Variants in DAPL1 observed in about 807,000 individuals in gnomAD.
DAPL1 encodes death-associated protein-like 1.
In DAPL1, 17 loss-of-function variants were observed where a neutral mutation model predicts 12.9. The ratio of observed to expected loss-of-function variants is 1.32; its 90% CI spans 0.90 to 1.98. The LOEUF is 1.98. Among genes scored for constraint, DAPL1 ranks in the 30% most tolerant of loss-of-function variants. DAPL1 has a pLI of 0.00. For missense variants in DAPL1, 157 were observed against 125.7 expected (o/e 1.25, Z -1.19); for synonymous variants, 51 against 42.0 (o/e 1.21, Z -0.82).
chr2:158,796,843 G>A (rs2059137050), intron 1 of DAPL1, among the ~76,000 whole-genome samples: 1 of 152,144 alleles, frequency 6.6e-6, no homozygotes, highest in Non-Finnish European at 1.5e-5. Flanking sequence ...CATCAAGCAT[G>A]TCACAATGCC....
chr2:158,806,838 G>GA (rs542863747), intron 2 of DAPL1, among the ~76,000 whole-genome samples: 15 of 123,226 alleles, frequency 1.2e-4, no homozygotes, highest in Admixed American at 1.9e-4. Context: ...CTGTGTCTCA[G>GA]AAAAAAAAAA....
intron 3 of DAPL1, among the ~76,000 whole-genome samples, chr2:158,811,042 T>C (rs2059227673): frequency 6.6e-6 from 1 of 152,228 alleles, no homozygotes; most frequent in Non-Finnish European, 1.5e-5. Flanking sequence ...TTGGCAATAG[T>C]TGTGAAACTT....
At chr2:158,809,360 A>AAAAAAAAAAAAAAG (rs2059218354) in intron 3 of DAPL1, among the ~76,000 whole-genome samples, 2 of 151,180 alleles carry the variant, frequency 1.3e-5, no homozygotes, top group African/African-American at 4.9e-5. Flanking sequence ...TCCATCTCAA[A>AAAAAAAAAAAAAAG]AAAAAAAAGA....
rs746168420 is a variant in DAPL1, at chr2:158,807,122, C to T, written c.207+7C>T. The T allele has an allele frequency of 5.6e-6, 9 of 1,604,508 alleles. No individual in the cohort carries two copies. Among genetic ancestry groups the T allele is most frequent in the Non-Finnish European group, 3.4e-6 (4 of 1,173,626 alleles). Reference sequence around the variant, plus strand: ...GAATGACGCACTGGAGAAGGTGAGCCGTGGGCAAATCACATAGCGCTCCAA... The same window carrying T: ...GAATGACGCACTGGAGAAGGTGAGCTGTGGGCAAATCACATAGCGCTCCAA... On this transcript the variant is annotated splice_region_variant and intron_variant, in intron 3 of 3. Coordinates refer to ENST00000309950, the MANE Select transcript of DAPL1 (RefSeq NM_001017920.3).
chr2:158,810,591 G>A (rs2059225184), intron 3 of DAPL1, among the ~76,000 whole-genome samples: 2 of 152,146 alleles, frequency 1.3e-5, no homozygotes, highest in South Asian at 4.1e-4. Flanking sequence ...TCCCCGAAGG[G>A]CTGGAATTGT....
intron 1 of DAPL1, among the ~76,000 whole-genome samples, chr2:158,797,262 C>A (rs2059139644): frequency 6.6e-6 from 1 of 152,094 alleles, no homozygotes; most frequent in Non-Finnish European, 1.5e-5. Flanking sequence ...TAAATAACAT[C>A]TATCTAGTAA....
intron 1 of DAPL1, among the ~76,000 whole-genome samples, chr2:158,799,790 A>G (rs367696846): frequency 5.3e-4 from 81 of 152,300 alleles, no homozygotes; most frequent in African/African-American, 1.9e-3. Flanking sequence ...CTACAGCCCT[A>G]TGACAGAGAC....
At chr2:158,795,529 C>T (rs1188498484) in intron 1 of DAPL1, 99 bp downstream of exon 1, 22 of 1,165,312 alleles carry the variant, frequency 1.9e-5, no homozygotes, top group Non-Finnish European at 2.4e-5. Context: ...GCTTCTCTGT[C>T]TACCCAGTAT....
chr2:158,811,488 C>CT (rs2059230160), intron 3 of DAPL1, among the ~76,000 whole-genome samples: 1 of 152,154 alleles, frequency 6.6e-6, no homozygotes, highest in East Asian at 1.9e-4. Flanking sequence ...TTTCTTGCGT[C>CT]TAGAATTTCA....
chr2:158,798,607 G>A (rs984246018), intron 1 of DAPL1, among the ~76,000 whole-genome samples: 1 of 152,096 alleles, frequency 6.6e-6, no homozygotes, highest in African/African-American at 2.4e-5. Flanking sequence ...GAGACTCAGT[G>A]AGATTGAGGG....
rs61740878 is a variant in DAPL1, at chr2:158,815,740, G to T, written c.243G>T (p.Ala81=). Residue 81 remains alanine (A), a synonymous_variant, in exon 4 of 4, where the codon GCG becomes GCT. Transcript: ENST00000309950. ...AATTTCCAGCAACAGTGCACATGGC[G>T]CATCAAAAACCCACACCTGCTCTGG... ...NYKFPATVHM[A]HQKPTPALEK... 1 of 1,613,482 alleles carries T rather than the reference G, an allele frequency of 6.2e-7. No homozygotes were observed. The highest frequency in any genetic ancestry group is 2.2e-5 in the East Asian group (1 of 44,882).
At chr2:158,809,175 T>C (rs1050759214) in intron 3 of DAPL1, among the ~76,000 whole-genome samples, 10 of 151,668 alleles carry the variant, frequency 6.6e-5, no homozygotes, top group African/African-American at 1.9e-4. Context: ...CTGGCCAATA[T>C]GGTGAAACTC....
At chr2:158,812,016 C>A (rs2059233592) in intron 3 of DAPL1, among the ~76,000 whole-genome samples, 1 of 152,154 alleles carries the variant, frequency 6.6e-6, no homozygotes, top group Non-Finnish European at 1.5e-5. Flanking sequence ...TGATGAAGAT[C>A]CTTTATAGAC....
chr2:158,804,585 C>T (rs968736918), intron 2 of DAPL1, among the ~76,000 whole-genome samples: 1 of 152,198 alleles, frequency 6.6e-6, no homozygotes, highest in Non-Finnish European at 1.5e-5. Context: ...GGGCTCCCAT[C>T]ACGACCCCCA....
chr2:158,811,779 A>G (rs939560300), intron 3 of DAPL1, among the ~76,000 whole-genome samples: 6 of 152,216 alleles, frequency 3.9e-5, no homozygotes, highest in African/African-American at 1.4e-4. Flanking sequence ...TATTCTACAA[A>G]TACTATCATT....
At chr2:158,799,878 A>G (rs2059157220) in intron 1 of DAPL1, among the ~76,000 whole-genome samples, 1 of 151,962 alleles carries the variant, frequency 6.6e-6, no homozygotes, top group East Asian at 1.9e-4. Flanking sequence ...TGTCTATCTT[A>G]TTGTTCCTAA....
rs548308937 is a variant in DAPL1 at position 158,801,601 on chromosome 2, A to G, written c.59-2681A>G. On this transcript the variant is annotated intron_variant, in intron 1 of 3. Coordinates refer to ENST00000309950, the MANE Select transcript of DAPL1 (RefSeq NM_001017920.3). ...GAATGTGCATATATATATATAATTTAAAGCAGATAATGTATAAAGATAGCA... is the reference window on the plus strand; with the variant it reads ...GAATGTGCATATATATATATAATTTGAAGCAGATAATGTATAAAGATAGCA... Among the ~76,000 whole-genome samples the G allele has an allele frequency of 5.3e-5, 8 of 152,316 alleles. No homozygotes were observed. In the East Asian group the frequency reaches 1.5e-3, roughly 29 times the overall value.
intron 1 of DAPL1, among the ~76,000 whole-genome samples, chr2:158,796,063 T>A (rs180837365): frequency 4.3e-4 from 66 of 152,308 alleles, no homozygotes; most frequent in African/African-American, 1.2e-3. Context: ...TCTTTTTTTT[T>A]AATTTATGCT....
chr2:158,813,780 C>T (rs535847486), intron 3 of DAPL1, among the ~76,000 whole-genome samples: 7 of 152,250 alleles, frequency 4.6e-5, no homozygotes, highest in Admixed American at 2.6e-4. Flanking sequence ...TGGTCTCGAT[C>T]GCCTGACCTC....
Sources: allele counts gnomAD v4.1 joint callset (sites outside exome capture counted in the v4.1 genomes callset), GRCh38; gene constraint gnomAD v4.1.1; transcripts MANE v1.5; gene names NCBI Gene and HGNC (gene_info 2026-07-23, HGNC 2026-07-21).